Variants in AKAP13 observed in about 807,000 individuals in gnomAD.
AKAP13 encodes the protein A-kinase anchoring protein 13, also known as A-kinase anchor protein 13.
A neutral mutation model predicts 264.5 loss-of-function variants in AKAP13; 80 were observed. The ratio of observed to expected loss-of-function variants is 0.30; its 90% confidence interval spans 0.25 to 0.36. The LOEUF (loss-of-function observed/expected upper bound fraction) is 0.36. AKAP13 is among the 10% of genes least tolerant of loss of function. AKAP13 has a pLI of 1.00. For synonymous variants in AKAP13, 1,380 were observed against 1,250.2 expected, an observed-to-expected ratio of 1.10 and a Z score of -2.19; for missense variants, 3,712 against 3,435.2, an observed-to-expected ratio of 1.08 and a Z score of -2.01.
intron 1 of AKAP13, among the ~76,000 whole-genome samples, chr15:85,470,742 T>A (rs2074930697): frequency 6.6e-6 from 1 of 152,200 alleles, no homozygotes. Context: ...CTGACAGACA[T>A]GCAGTTAGAC....
intron 8 of AKAP13, among the ~76,000 whole-genome samples, chr15:85,589,213 GA>G (rs1265396114): frequency 6.6e-6 from 1 of 152,148 alleles, no homozygotes; most frequent in Non-Finnish European, 1.5e-5. Flanking sequence ...ACTGGATGGG[GA>G]AAGAGAGCAG....
intron 8 of AKAP13, among the ~76,000 whole-genome samples, chr15:85,618,821 C>A (rs1384708547): frequency 6.6e-6 from 1 of 152,184 alleles, no homozygotes. Flanking sequence ...TAAATCAACT[C>A]CATCATCCCT....
chr15:85,426,908 G>GT lies in AKAP13; in HGVS notation c.-12+46111dup, dbSNP rs2072803954. Among the ~76,000 whole-genome samples the GT allele has an allele frequency of 3.3e-5, 5 of 149,332 alleles. No individual in the cohort carries two copies. In the South Asian group the frequency reaches 1.1e-3, roughly 32 times the overall value. ...TGACTAGAGATTTTAAGTTGTATGT[G>GT]TCTGAAGTACTGTTTCCACACAACC... On this transcript the variant is annotated intron_variant, in intron 1 of 36. Coordinates refer to ENST00000394518, the MANE Select transcript of AKAP13 (RefSeq NM_007200.5).
intron 8 of AKAP13, among the ~76,000 whole-genome samples, chr15:85,601,808 GA>G (rs540574109): frequency 6.6e-6 from 1 of 151,808 alleles, no homozygotes; most frequent in African/African-American, 2.4e-5. Context: ...TTAAAACTGA[GA>G]AATTTAAAAA....
intron 1 of AKAP13, among the ~76,000 whole-genome samples, chr15:85,442,526 A>ATTATATAATATATATTATATATAT (rs1555430021): frequency 2.8e-4 from 31 of 110,060 alleles, no homozygotes; most frequent in Non-Finnish European, 4.8e-4. Context: ...ATATTATATT[A>ATTATATAATATATATTATATATAT]TATATAATAT....
At chr15:85,583,229 C>T in intron 7 of AKAP13, 1 of 935,834 alleles carries the variant, frequency 1.1e-6, no homozygotes, top group Non-Finnish European at 1.3e-6. Flanking sequence ...TTTGAAAATC[C>T]CTTTACACAT....
At chr15:85,412,212 A>T (rs1364351379) in intron 1 of AKAP13, among the ~76,000 whole-genome samples, 1 of 152,242 alleles carries the variant, frequency 6.6e-6, no homozygotes, top group African/African-American at 2.4e-5. Context: ...CAGATTTCAC[A>T]TTGTGACTAA....
chr15:85,581,155 G>A lies in AKAP13; in HGVS notation c.3087G>A (p.Arg1029=), dbSNP rs770962698. The A allele has an allele frequency of 6.2e-7, 1 of 1,614,152 alleles. No homozygotes were observed. Among genetic ancestry groups the A allele is most frequent in the Non-Finnish European group, 8.5e-7 (1 of 1,180,014 alleles). ...PPGASLATES[R]QEALGAEHNS... is the part of the protein sequence containing the mutation. ...GAGCAAGTCTGGCCACAGAGTCAAG[G>A]CAGGAAGCCTTGGGGGCAGAGCACA... The change falls in exon 7 of 37, where the codon AGG becomes AGA. Residue 1029 remains arginine (R), a synonymous_variant. Transcript: ENST00000394518.
intron 33 of AKAP13, among the ~76,000 whole-genome samples, chr15:85,737,388 C>T (rs951095831): frequency 6.6e-6 from 1 of 152,054 alleles, no homozygotes; most frequent in Non-Finnish European, 1.5e-5. Context: ...GAGTATCTGA[C>T]TTTGTAAGCA....
intron 36 of AKAP13, chr15:85,744,273 G>T: frequency 3.3e-6 from 1 of 307,310 alleles, no homozygotes; most frequent in Non-Finnish European, 6.1e-6. Context: ...CAGAGCCTGC[G>T]GCTGAATTCC....
intron 1 of AKAP13, among the ~76,000 whole-genome samples, chr15:85,478,279 T>A (rs2075240874): frequency 6.6e-6 from 1 of 152,182 alleles, no homozygotes; most frequent in Non-Finnish European, 1.5e-5. Context: ...CAGGCACATA[T>A]TATAAATATA....
intron 1 of AKAP13, among the ~76,000 whole-genome samples, chr15:85,423,093 A>G (rs964803538): frequency 6.6e-6 from 1 of 152,230 alleles, no homozygotes; most frequent in African/African-American, 2.4e-5. Context: ...TGAACCTTCA[A>G]CAAGTCGTGA....
Position 85,744,926 on chromosome 15 carries a change from T to G in AKAP13, c.*249T>G, listed in dbSNP as rs937111590. 4 of 430,860 alleles carry G rather than the reference T, an allele frequency of 9.3e-6. No homozygotes were observed. Among genetic ancestry groups the G allele is most frequent in the African/African-American group, 8.3e-5 (4 of 48,392 alleles). 26.7% of individuals were successfully genotyped at this position (430,860 alleles called of 1,614,324 possible). ...GACTCTCAGGTTGGGCTGGCCCTAC[T>G]CAGGATTACACTGAAAGTAATGGCC... is the stretch of plus-strand genomic sequence containing the variant. On this transcript the variant is annotated 3_prime_UTR_variant, in exon 37 of 37. Transcript: ENST00000394518.
intron 2 of AKAP13, among the ~76,000 whole-genome samples, chr15:85,493,791 C>A (rs140457274): frequency 8.6e-5 from 13 of 151,950 alleles, no homozygotes; most frequent in Non-Finnish European, 1.9e-4. Context: ...TTGTCCTAGA[C>A]GGGGTAAGGG....
At chr15:85,587,714 T>A (rs1223963610) in intron 8 of AKAP13, among the ~76,000 whole-genome samples, 1 of 152,230 alleles carries the variant, frequency 6.6e-6, no homozygotes, top group Non-Finnish European at 1.5e-5. Flanking sequence ...TGGCAGGATC[T>A]TGGCTCATTG....
At chr15:85,627,005 TTACTTTTG>T (rs1324166901) in intron 8 of AKAP13, among the ~76,000 whole-genome samples, 1 of 152,176 alleles carries the variant, frequency 6.6e-6, no homozygotes, top group East Asian at 1.9e-4. Flanking sequence ...TAATGCACAC[TTACTTTTG>T]TCCTGTTTGT....
chr15:85,569,085 T>C (rs1009840418), intron 5 of AKAP13, among the ~76,000 whole-genome samples: 3 of 152,176 alleles, frequency 2.0e-5, no homozygotes, highest in African/African-American at 7.2e-5. Context: ...ATAACAGTGG[T>C]TTCATAAATG....
chr15:85,609,245 G>C (rs982122599), intron 8 of AKAP13, among the ~76,000 whole-genome samples: 2 of 152,084 alleles, frequency 1.3e-5, no homozygotes, highest in African/African-American at 4.8e-5. Context: ...TTTACCCATT[G>C]ACCAACCTCT....
rs1400348938 is a variant in AKAP13 at position 85,746,953 on chromosome 15, G to A, written c.*2276G>A. The A allele has an allele frequency of 6.6e-6, 1 of 152,166 alleles. No homozygotes were observed. The highest frequency in any genetic ancestry group is 1.5e-5 in the Non-Finnish European group (1 of 68,032). The allele number at this position is 152,166 out of a possible 1,614,324, so 9.4% of individuals were successfully genotyped here. On this transcript the variant is annotated 3_prime_UTR_variant, in exon 37 of 37. Transcript: ENST00000394518. ...GTGGATGCTGAAGTTAGAGCACGTC[G>A]CCACAGAGCTTGACATCAATGTTAG... is the stretch of plus-strand genomic sequence containing the variant.
Sources: gnomAD v4.1 joint callset for allele counts (sites outside exome capture counted in the v4.1 genomes callset) on GRCh38, gnomAD v4.1.1 for gene constraint, MANE v1.5 for transcripts, NCBI Gene and HGNC (gene_info 2026-07-23, HGNC 2026-07-21) for gene names.